CUBN: variants seen among roughly 807,000 people sequenced by gnomAD.
The protein encoded by CUBN is cubilin, also known as 460 kDa receptor.
In CUBN, 282 loss-of-function variants were observed where a neutral mutation model predicts 405.3. The observed-to-expected ratio is 0.70, with a 90% confidence interval of 0.63 to 0.77. CUBN has a LOEUF of 0.77. Ranked by LOEUF, CUBN falls within the 30% of genes least tolerant of loss-of-function variation. The pLI is 0.00. For synonymous variants in CUBN, 1,684 were observed against 1,617.0 expected, an observed-to-expected ratio of 1.04 and a Z score of -0.99; for missense variants, 4,514 against 4,475.2, an observed-to-expected ratio of 1.01 and a Z score of -0.25.
chr10:17,043,794 A>G, intron 26 of CUBN, 33 bp downstream of exon 26: 1 of 1,584,634 alleles, frequency 6.3e-7, no homozygotes. Flanking sequence ...CTCTGCCAGT[A>G]TACACACTTA....
At chr10:16,866,255 A>G (rs1274796684) in intron 59 of CUBN, among the ~76,000 whole-genome samples, 1 of 152,172 alleles carries the variant, frequency 6.6e-6, no homozygotes, top group African/African-American at 2.4e-5. Context: ...ATCTAACCCT[A>G]TGTGTAGAAG....
At chr10:16,912,628 C>T (rs1312876011) in intron 48 of CUBN, among the ~76,000 whole-genome samples, 2 of 152,092 alleles carry the variant, frequency 1.3e-5, no homozygotes, top group Non-Finnish European at 2.9e-5. Flanking sequence ...TGGAGCAGGC[C>T]GCCATCTGGG....
chr10:16,892,381 A>T (rs914780713), intron 54 of CUBN, among the ~76,000 whole-genome samples: 2 of 152,194 alleles, frequency 1.3e-5, no homozygotes, highest in Non-Finnish European at 2.9e-5. Context: ...ATGATCTCTA[A>T]TTAGATTTCC....
intron 31 of CUBN, among the ~76,000 whole-genome samples, chr10:16,978,033 G>A (rs751242931): frequency 2.0e-5 from 3 of 152,168 alleles, no homozygotes; most frequent in East Asian, 1.9e-4. Context: ...CTAGATGCAC[G>A]AGAAATACAA....
intron 59 of CUBN, among the ~76,000 whole-genome samples, chr10:16,859,794 C>T (rs1023979853): frequency 6.6e-6 from 1 of 152,078 alleles, no homozygotes; most frequent in Non-Finnish European, 1.5e-5. Context: ...AGAAAAATAA[C>T]AGCAAGGGTA....
At chr10:17,058,419 A>G (rs970404272) in intron 22 of CUBN, among the ~76,000 whole-genome samples, 1 of 152,078 alleles carries the variant, frequency 6.6e-6, no homozygotes, top group African/African-American at 2.4e-5. Context: ...AGTTCTGTGC[A>G]CAGACAGGTT....
intron 21 of CUBN, 44 bp from the exon 22 acceptor site, chr10:17,065,682 G>T: frequency 6.2e-7 from 1 of 1,610,276 alleles, no homozygotes; most frequent in Non-Finnish European, 8.5e-7. Context: ...TTTTAGTTTG[G>T]TATACTGAAA....
chr10:16,982,449 G>C (rs754849414), intron 31 of CUBN, 35 bp downstream of exon 31: 4 of 1,580,616 alleles, frequency 2.5e-6, no homozygotes, highest in Non-Finnish European at 8.7e-7. Flanking sequence ...ACCGAGGTTT[G>C]ACTGGAGACA....
At position 16,948,711 on chromosome 10, in the gene CUBN, T is replaced by TTTTGCCACTA. The variant is rs778548191; in HGVS notation, c.5081-106_5081-105insTAGTGGCAAA. 17,241 of 1,445,504 alleles carry TTTTGCCACTA rather than the reference T, an allele frequency of 0.012. 154 individuals carry two copies. The highest frequency in any genetic ancestry group is 0.015 in the Non-Finnish European group (15,307 of 1,052,360). The allele number at this position is 1,445,504 out of a possible 1,614,324, so 89.5% of individuals were successfully genotyped here. On this transcript the variant is annotated intron_variant, in intron 34 of 66. Transcript: ENST00000377833. ...CGAATTACAAGAGACCAAAACAAAG[T>TTTTGCCACTA]GAAGAAATTGCCACTAGGAGAACCA...
At chr10:16,900,890 A>G in intron 52 of CUBN, 40 bp from the exon 53 acceptor site, 1 of 1,359,946 alleles carries the variant, frequency 7.4e-7, no homozygotes, top group Non-Finnish European at 1.0e-6. Context: ...GTGAGCTTTT[A>G]TCAACTGTTA....
At chr10:17,122,936 T>C in intron 5 of CUBN, 38 bp from the exon 6 acceptor site, 1 of 1,400,856 alleles carries the variant, frequency 7.1e-7, no homozygotes, top group Non-Finnish European at 1.0e-6. Flanking sequence ...GTGCCAAAGG[T>C]CACAGAGGTA....
At chr10:17,115,337 T>G (rs1836868066) in intron 7 of CUBN, 134 bp downstream of exon 7, 1 of 1,031,652 alleles carries the variant, frequency 9.7e-7, no homozygotes, top group Non-Finnish European at 1.5e-6. Flanking sequence ...TCCTCGCCTA[T>G]GTCCTACTTA....
intron 56 of CUBN, among the ~76,000 whole-genome samples, chr10:16,883,569 A>G (rs1407578262): frequency 6.6e-6 from 1 of 152,228 alleles, no homozygotes; most frequent in Non-Finnish European, 1.5e-5. Flanking sequence ...AAGCTCATTT[A>G]TTGTGCTTCT....
intron 31 of CUBN, among the ~76,000 whole-genome samples, chr10:16,959,368 G>T (rs907017241): frequency 6.6e-6 from 1 of 151,978 alleles, no homozygotes; most frequent in Non-Finnish European, 1.5e-5. Context: ...GGTGGTTCAC[G>T]CCTGTAATCC....
intron 36 of CUBN, among the ~76,000 whole-genome samples, chr10:16,946,676 A>G (rs2131618466): frequency 6.6e-6 from 1 of 151,996 alleles, no homozygotes; most frequent in East Asian, 1.9e-4. Context: ...TTGTATTTTT[A>G]GTAGAGACGG....
rs1048492921 is a variant in CUBN at position 17,115,454 on chromosome 10, T to G, written c.720+17A>C. On this transcript the variant is annotated intron_variant, in intron 7 of 66. Transcript: ENST00000377833. Reference sequence around the variant, plus strand: ...CATGGCTCTCTGCAAGGAGGCACATTTGGGGAAGGGACCCACCTCTCCAGC... The same window carrying G: ...CATGGCTCTCTGCAAGGAGGCACATGTGGGGAAGGGACCCACCTCTCCAGC... 6.2e-7 allele frequency: 1 copy of G among 1,613,312 alleles called. No individual in the cohort carries two copies. Among genetic ancestry groups the G allele is most frequent in the Non-Finnish European group, 8.5e-7 (1 of 1,179,816 alleles).
intron 29 of CUBN, 146 bp downstream of exon 29, chr10:16,990,188 A>G: frequency 4.8e-6 from 4 of 828,174 alleles, no homozygotes; most frequent in Non-Finnish European, 8.2e-6. Context: ...ATGTCTACCA[A>G]ATGATCACCG....
Position 17,068,254 on chromosome 10 carries a change from T to C in CUBN, c.2818A>G (p.Thr940Ala). ...TGGCCAGGACTTTGAATGGTCCCTGTTGATTCTGTAAGAATTTCTCCACAT... is the reference window on the plus strand; with the variant it reads ...TGGCCAGGACTTTGAATGGTCCCTGCTGATTCTGTAAGAATTTCTCCACAT... ...LACGEILTESTGTIQSPGHPN... is the reference protein window; with the variant it reads ...LACGEILTESAGTIQSPGHPN... The change falls in exon 21 of 67, where the codon ACA becomes GCA. Residue 940 changes from threonine to alanine, a missense_variant. Around this residue, in one of 5 missense-constraint regions of CUBN, gnomAD observed 1,448 missense variants for 1,388.0 expected, o/e 1.04. Transcript: ENST00000377833. The C allele has an allele frequency of 1.2e-6, 2 of 1,613,704 alleles. No homozygotes were observed. The highest frequency in any genetic ancestry group is 1.7e-6 in the Non-Finnish European group (2 of 1,179,664).
intron 22 of CUBN, 109 bp downstream of exon 22, chr10:17,065,399 T>G: frequency 7.3e-7 from 1 of 1,377,818 alleles, no homozygotes; most frequent in Non-Finnish European, 1.0e-6. Context: ...AATATAGCTC[T>G]CATTGTGTGC....
Sources: gnomAD v4.1 joint callset for allele counts (sites outside exome capture counted in the v4.1 genomes callset) on GRCh38, gnomAD v4.1.1 for gene constraint, gnomAD v4.1.1 regional missense constraint, MANE v1.5 for transcripts, NCBI Gene and HGNC (gene_info 2026-07-23, HGNC 2026-07-21) for gene names.